FAR2: variants seen among roughly 807,000 people sequenced by gnomAD.
The protein encoded by FAR2 is epididymis secretory protein Li 81.
Under a neutral mutation model 56.0 loss-of-function variants are expected in FAR2, and 19 were observed. The ratio of observed to expected loss-of-function variants is 0.34; its 90% CI spans 0.24 to 0.50. The LOEUF is 0.50. Ranked by LOEUF, FAR2 falls within the 20% of genes least tolerant of loss-of-function variation. The pLI, the probability that FAR2 is intolerant of heterozygous loss-of-function variation, is 0.98. For missense variants in FAR2, 508 were observed against 642.2 expected (o/e 0.79, Z 2.26); for synonymous variants, 219 against 218.8 (o/e 1.00, Z -0.01).
At chr12:29,194,109 C>T (rs1232312571) in intron 1 of FAR2, among the ~76,000 whole-genome samples, 1 of 152,194 alleles carries the variant, frequency 6.6e-6, no homozygotes, top group African/African-American at 2.4e-5. Context: ...TTTAAGCTTG[C>T]TCATCCTAAT....
intron 1 of FAR2, among the ~76,000 whole-genome samples, chr12:29,190,074 G>T (rs1950088043): frequency 6.6e-6 from 1 of 152,160 alleles, no homozygotes; most frequent in African/African-American, 2.4e-5. Context: ...CTGAGGTGGG[G>T]AATACTAGGG....
At chr12:29,182,041 A>G (rs1421186506) in intron 1 of FAR2, among the ~76,000 whole-genome samples, 2 of 152,236 alleles carry the variant, frequency 1.3e-5, no homozygotes, top group East Asian at 3.8e-4. Context: ...AGATTCCCAG[A>G]CCAAGTATCT....
chr12:29,307,872 A>G, intron 5 of FAR2, 37 bp downstream of exon 5: 2 of 1,581,494 alleles, frequency 1.3e-6, no homozygotes. Context: ...TTTTGCTTCC[A>G]AACTAAGGTT....
intron 4 of FAR2, among the ~76,000 whole-genome samples, chr12:29,305,661 T>G (rs913631680): frequency 6.6e-6 from 1 of 152,206 alleles, no homozygotes; most frequent in Non-Finnish European, 1.5e-5. Context: ...TATTCCTGTT[T>G]ACTCTTATGA....
intron 1 of FAR2, among the ~76,000 whole-genome samples, chr12:29,191,112 G>A (rs1350230163): frequency 6.6e-6 from 1 of 152,222 alleles, no homozygotes; most frequent in African/African-American, 2.4e-5. Context: ...GCACTACAGT[G>A]CTTTCCATAC....
chr12:29,331,743 C>G (rs1240166705), intron 10 of FAR2: 1 of 152,086 alleles, frequency 6.6e-6, no homozygotes, highest in East Asian at 1.9e-4. Flanking sequence ...CATTTGTAAT[C>G]CATATAAATC....
At chr12:29,225,388 A>G (rs935183252) in intron 1 of FAR2, among the ~76,000 whole-genome samples, 3 of 152,172 alleles carry the variant, frequency 2.0e-5, no homozygotes, top group African/African-American at 7.2e-5. Flanking sequence ...ATGGGATAAT[A>G]CATGTGAAGC....
chr12:29,195,500 G>C (rs1950137183), intron 1 of FAR2, among the ~76,000 whole-genome samples: 1 of 152,170 alleles, frequency 6.6e-6, no homozygotes, highest in Non-Finnish European at 1.5e-5. Context: ...ATTATGTGAT[G>C]CATAAAGAGT....
intron 4 of FAR2, 133 bp downstream of exon 4, chr12:29,297,333 C>CCTG: frequency 1.3e-6 from 1 of 773,584 alleles, no homozygotes; most frequent in South Asian, 1.9e-5. Flanking sequence ...CGGTGCTAGC[C>CCTG]TTAGCTACCT....
chr12:29,209,821 C>A (rs1170001730), intron 1 of FAR2, among the ~76,000 whole-genome samples: 1 of 152,154 alleles, frequency 6.6e-6, no homozygotes, highest in Non-Finnish European at 1.5e-5. Context: ...TCACAATACT[C>A]ATTTACATAC....
intron 4 of FAR2, among the ~76,000 whole-genome samples, chr12:29,304,876 A>G (rs1949231819): frequency 6.6e-6 from 1 of 152,186 alleles, no homozygotes; most frequent in Admixed American, 6.5e-5. Flanking sequence ...AATTTCAGAC[A>G]TGTATTTTGG....
intron 1 of FAR2, among the ~76,000 whole-genome samples, chr12:29,176,849 G>A (rs1443816550): frequency 6.7e-6 from 1 of 148,908 alleles, no homozygotes; most frequent in African/African-American, 2.4e-5. Context: ...GGGAAAAAAA[G>A]GAAACTTGAG....
intron 2 of FAR2, among the ~76,000 whole-genome samples, chr12:29,275,393 G>A (rs1479303127): frequency 6.6e-6 from 1 of 152,128 alleles, no homozygotes; most frequent in Non-Finnish European, 1.5e-5. Flanking sequence ...GTTAAGGCAG[G>A]AACCGGCCAT....
chr12:29,331,877 A>G (rs1044685451), intron 10 of FAR2: 1 of 152,098 alleles, frequency 6.6e-6, no homozygotes, highest in Admixed American at 6.6e-5. Context: ...AAAAGAATAC[A>G]TTTTTGGTTA....
chr12:29,278,623 C>T (rs1223360259), intron 2 of FAR2, among the ~76,000 whole-genome samples: 1 of 152,104 alleles, frequency 6.6e-6, no homozygotes, highest in Non-Finnish European at 1.5e-5. Context: ...GCTGGGACTA[C>T]AGGCATGAGC....
chr12:29,200,966 A>C (rs1486349480), intron 1 of FAR2, among the ~76,000 whole-genome samples: 1 of 152,160 alleles, frequency 6.6e-6, no homozygotes, highest in Non-Finnish European at 1.5e-5. Context: ...AGAGGAGAAT[A>C]TCTGTGTGTC....
At chr12:29,333,572 C>T in intron 11 of FAR2, 60 bp from the exon 12 acceptor site, 3 of 1,441,014 alleles carry the variant, frequency 2.1e-6, no homozygotes, top group Non-Finnish European at 1.9e-6. Flanking sequence ...TATTTATCTT[C>T]AGATAATGTG....
At chr12:29,179,290 T>C (rs745367557) in intron 1 of FAR2, among the ~76,000 whole-genome samples, 9 of 152,224 alleles carry the variant, frequency 5.9e-5, no homozygotes, top group Non-Finnish European at 1.0e-4. Context: ...TTCAGAAAGT[T>C]GCTGATATAC....
In FAR2 at chr12:29,276,928, A is replaced by T. The variant is rs183167722; in HGVS notation, c.189+6290A>T. On this transcript the variant is annotated intron_variant, in intron 2 of 11. Coordinates refer to ENST00000536681, the MANE Select transcript of FAR2 (RefSeq NM_001271783.2). ...CACTGCACTCCAGCCTGGGCAACAG[A>T]GTGAAACTCTGTCTCAAAAAAAAAA... Among the ~76,000 whole-genome samples, 37 of 151,486 alleles carry T rather than the reference A, an allele frequency of 2.4e-4. 2 individuals are homozygous for T. The highest frequency in any genetic ancestry group is 5.3e-4 in the Admixed American group (8 of 15,212).
Sources: gnomAD v4.1 joint callset for allele counts (sites outside exome capture counted in the v4.1 genomes callset) on GRCh38, gnomAD v4.1.1 for gene constraint, MANE v1.5 for transcripts, NCBI Gene and HGNC (gene_info 2026-07-23, HGNC 2026-07-21) for gene names.